Variants in JAKMIP1 observed in about 807,000 individuals in gnomAD.
The protein encoded by JAKMIP1 is janus kinase and microtubule interacting protein 1.
Under a neutral mutation model 113.0 loss-of-function variants are expected in JAKMIP1, and 33 were observed. The observed-to-expected ratio is 0.29, with a 90% CI of 0.22 to 0.39. JAKMIP1 has a LOEUF of 0.39. JAKMIP1 is among the 10% of genes least tolerant of loss of function. The probability of loss-of-function intolerance (pLI) is 1.00; values close to 1 mark genes in which losing one functional copy is unlikely to be tolerated. For synonymous variants in JAKMIP1, 480 were observed against 459.9 expected (o/e 1.04, Z -0.56); for missense variants, 813 against 1,080.5 (o/e 0.75, Z 3.47).
rs2066400160 is a variant in JAKMIP1, at chr4:6,167,050, C to G, written c.-148+33203G>C. On this transcript the variant is annotated intron_variant, in intron 1 of 20. Coordinates refer to ENST00000409021, the MANE Select transcript of JAKMIP1 (RefSeq NM_001099433.2). The surrounding 1 kb of genome is among the most constrained non-coding windows in gnomAD (Gnocchi z 5.3). ...AAATACTGTATGTGCTACCCCACATCAAGTACTTGGAACAGTGCCTGGTGC... is the reference window on the plus strand; with the variant it reads ...AAATACTGTATGTGCTACCCCACATGAAGTACTTGGAACAGTGCCTGGTGC... Among the ~76,000 whole-genome samples, 1 of 152,098 alleles carries G rather than the reference C, an allele frequency of 6.6e-6. No individual in the cohort carries two copies. Among genetic ancestry groups the G allele is most frequent in the Non-Finnish European group, 1.5e-5 (1 of 67,994 alleles).
chr4:6,074,200 G>A (rs901098907), intron 8 of JAKMIP1, among the ~76,000 whole-genome samples: 18 of 152,220 alleles, frequency 1.2e-4, no homozygotes, highest in African/African-American at 3.1e-4. Context: ...CAAACGCTCC[G>A]GGAAGACAAA....
Position 6,185,027 on chromosome 4 carries a change from G to T in JAKMIP1, c.-148+15226C>A, listed in dbSNP as rs1025800262. Among the ~76,000 whole-genome samples the T allele has an allele frequency of 4.6e-5, 7 of 152,268 alleles. No homozygotes were observed. The highest frequency in any genetic ancestry group is 1.7e-4 in the African/African-American group (7 of 41,548). On this transcript the variant is annotated intron_variant, in intron 1 of 20. Transcript: ENST00000409021. The surrounding 1 kb of genome is among the most constrained non-coding windows in gnomAD (Gnocchi z 5.3). ...TCAGACTCCAAGTTCTTCAGCGTTT[G>T]GCCTCTTGGACTTCCACCAGTGGTT...
intron 8 of JAKMIP1, among the ~76,000 whole-genome samples, chr4:6,073,545 G>A (rs1377413004): frequency 1.3e-5 from 2 of 152,212 alleles, no homozygotes; most frequent in Non-Finnish European, 2.9e-5. Flanking sequence ...CAGGGTGTAG[G>A]CATGGCCTGG....
chr4:6,043,610 C>G (rs926866540), intron 16 of JAKMIP1, among the ~76,000 whole-genome samples: 1 of 152,040 alleles, frequency 6.6e-6, no homozygotes, highest in Admixed American at 6.5e-5. Flanking sequence ...TCCTTCCTTC[C>G]GTCCACTTCC....
At chr4:6,075,150 C>A (rs1719520763) in intron 8 of JAKMIP1, among the ~76,000 whole-genome samples, 1 of 151,532 alleles carries the variant, frequency 6.6e-6, no homozygotes, top group African/African-American at 2.4e-5. Flanking sequence ...GCCTGGTCAA[C>A]AGAGTGAGAC....
At chr4:6,118,690 T>C (rs1221713882) in intron 1 of JAKMIP1, among the ~76,000 whole-genome samples, 1 of 151,742 alleles carries the variant, frequency 6.6e-6, no homozygotes, top group Non-Finnish European at 1.5e-5. Context: ...GACAACATTG[T>C]AGAGGCAAGC....
chr4:6,137,616 G>C lies in JAKMIP1; in HGVS notation c.-147-24619C>G, dbSNP rs537704157. Among the ~76,000 whole-genome samples, 1 of 152,332 alleles carries C rather than the reference G, an allele frequency of 6.6e-6. No homozygotes were observed. Among genetic ancestry groups the C allele is most frequent in the Non-Finnish European group, 1.5e-5 (1 of 68,040 alleles). On this transcript the variant is annotated intron_variant, in intron 1 of 20. Transcript: ENST00000409021. This position sits in a 1 kb window ranked among gnomAD's most constrained non-coding sequence, Gnocchi z 4.5. ...ATCCACACTCTCTCCGCACCTGGAG[G>C]CAATGACCCCCACAGGGGACCAAAT...
At position 6,042,255 on chromosome 4, in the gene JAKMIP1, G is replaced by A. The variant is rs770336187; in HGVS notation, c.2029-28C>T. The stretch of plus-strand genomic sequence containing the variant: ...AGAAAACAGCAGGGACAGGACGGGT[G>A]CAGCAAAGTGAGAGTCAGAACCCAA... On this transcript the variant is annotated intron_variant, in intron 16 of 20. Transcript: ENST00000409021. The surrounding 1 kb of genome is among the most constrained non-coding windows in gnomAD (Gnocchi z 5.2). 1 of 1,590,236 alleles carries A rather than the reference G, an allele frequency of 6.3e-7. No individual in the cohort carries two copies. The highest frequency in any genetic ancestry group is 1.7e-5 in the Admixed American group (1 of 59,944).
At chr4:6,196,853 C>T (rs912878353) in intron 1 of JAKMIP1, among the ~76,000 whole-genome samples, 5 of 99,344 alleles carry the variant, frequency 5.0e-5, no homozygotes, top group East Asian at 3.4e-4. Flanking sequence ...AAGAAAGAAA[C>T]TCTGTCAAAA....
intron 5 of JAKMIP1, among the ~76,000 whole-genome samples, chr4:6,082,719 C>A (rs964459962): frequency 3.9e-5 from 6 of 152,072 alleles, no homozygotes. Flanking sequence ...CCAAGCTGGG[C>A]TGGAACTCCT....
intron 11 of JAKMIP1, 21 bp downstream of exon 11, chr4:6,060,403 G>A (rs931511189): frequency 3.2e-6 from 5 of 1,582,354 alleles, no homozygotes; most frequent in South Asian, 1.1e-5. Context: ...GATTCACAGA[G>A]CACAGATCAC....
Position 6,194,944 on chromosome 4 carries a change from G to A in JAKMIP1, c.-148+5309C>T, listed in dbSNP as rs1284946150. 2.6e-5 allele frequency among the ~76,000 whole-genome samples: 4 copies of A among 152,120 alleles called. No individual in the cohort carries two copies. The highest frequency in any genetic ancestry group is 1.5e-5 in the Non-Finnish European group (1 of 68,020). On this transcript the variant is annotated intron_variant, in intron 1 of 20. Transcript: ENST00000409021. The surrounding 1 kb of genome is among the most constrained non-coding windows in gnomAD (Gnocchi z 7.4). ...AGGGGAACAGGCTGACCTAACACAA[G>A]TGGGCGGTGGTGCCCAACAAAGGGA...
rs1723970328 is a variant in JAKMIP1 at position 6,168,771 on chromosome 4, G to A, written c.-148+31482C>T. On this transcript the variant is annotated intron_variant, in intron 1 of 20. Coordinates refer to ENST00000409021, the MANE Select transcript of JAKMIP1 (RefSeq NM_001099433.2). This position sits in a 1 kb window ranked among gnomAD's most constrained non-coding sequence, Gnocchi z 4.6. ...AAAAATTAGCCAGGCCTGGTGGCAT[G>A]CCCCTGTGGTCCCAGCTACTTGGGA... Among the ~76,000 whole-genome samples, 1 of 152,048 alleles carries A rather than the reference G, an allele frequency of 6.6e-6. No homozygotes were observed. Among genetic ancestry groups the A allele is most frequent in the African/African-American group, 2.4e-5 (1 of 41,388 alleles).
intron 1 of JAKMIP1, among the ~76,000 whole-genome samples, chr4:6,132,981 G>A (rs1718715885): frequency 6.6e-6 from 1 of 152,134 alleles, no homozygotes; most frequent in South Asian, 2.1e-4. Context: ...TCATCTCTTG[G>A]TGTTGACACA....
rs891460238 is a variant in JAKMIP1, at chr4:6,088,611, G to A, written c.625-2982C>T. On this transcript the variant is annotated intron_variant, in intron 3 of 20. Coordinates refer to ENST00000409021, the MANE Select transcript of JAKMIP1 (RefSeq NM_001099433.2). The surrounding 1 kb of genome is among the most constrained non-coding windows in gnomAD (Gnocchi z 5.5). ...GCAGAGATGGCATCTAGAAACGGAC[G>A]GAGGGCCAATGCAGAACACATTCCG... Among the ~76,000 whole-genome samples, 3 of 152,270 alleles carry A rather than the reference G, an allele frequency of 2.0e-5. No individual in the cohort carries two copies. Among genetic ancestry groups the A allele is most frequent in the Admixed American group, 1.3e-4 (2 of 15,298 alleles).
At chr4:6,077,288 C>T (rs564350116) in intron 8 of JAKMIP1, among the ~76,000 whole-genome samples, 4 of 152,088 alleles carry the variant, frequency 2.6e-5, no homozygotes, top group South Asian at 2.1e-4. Context: ...GGTAGAATGT[C>T]ACTGACAATG....
chr4:6,163,985 T>C (rs1578430525), intron 1 of JAKMIP1, among the ~76,000 whole-genome samples: 1 of 152,128 alleles, frequency 6.6e-6, no homozygotes, highest in African/African-American at 2.4e-5. Context: ...CTCCATAACA[T>C]AAAAGTGCAA....
Position 6,157,596 on chromosome 4 carries a change from G to A in JAKMIP1, c.-148+42657C>T, listed in dbSNP as rs1357146097. 1.3e-5 allele frequency among the ~76,000 whole-genome samples: 2 copies of A among 152,078 alleles called. No homozygotes were observed. The highest frequency in any genetic ancestry group is 4.8e-5 in the African/African-American group (2 of 41,396). On this transcript the variant is annotated intron_variant, in intron 1 of 20. Transcript: ENST00000409021. The surrounding 1 kb of genome is among the most constrained non-coding windows in gnomAD (Gnocchi z 4.7). ...GCACAGACCATCACAACTCAGAACC[G>A]GGATCTCCGAGCTACAATCCCACCA...
rs116469373 is a variant in JAKMIP1, at chr4:6,044,700, G to A, written c.2029-2473C>T. 2.1e-3 allele frequency among the ~76,000 whole-genome samples: 321 copies of A among 151,802 alleles called. 1 individual carries two copies. The highest frequency in any genetic ancestry group is 7.0e-3 in the African/African-American group (289 of 41,118). On this transcript the variant is annotated intron_variant, in intron 16 of 20. Transcript: ENST00000409021. This position sits in a 1 kb window ranked among gnomAD's most constrained non-coding sequence, Gnocchi z 4.4. The stretch of plus-strand genomic sequence containing the variant: ...CAGAACGGTTTCTGCAGAACACAGT[G>A]TTGAGATTTGTTGCTGCTGTCGTTT...
Sources: gnomAD v4.1 joint callset for allele counts (sites outside exome capture counted in the v4.1 genomes callset) on GRCh38, gnomAD v4.1.1 for gene constraint, Gnocchi (gnomAD v3.1) non-coding constraint, MANE v1.5 for transcripts, NCBI Gene and HGNC (gene_info 2026-07-23, HGNC 2026-07-21) for gene names.